VPS13B: variants seen among roughly 807,000 people sequenced by gnomAD.
VPS13B encodes the protein vacuolar protein sorting 13 homolog B.
A neutral mutation model predicts 426.4 loss-of-function variants in VPS13B; 285 were observed. That is an observed-to-expected ratio of 0.67 (90% CI 0.61 to 0.74). The LOEUF (loss-of-function observed/expected upper bound fraction) is 0.74, where lower values mean the gene tolerates loss of function less well. Among genes scored for constraint, VPS13B ranks in the 30% least tolerant of loss-of-function variants. The probability of loss-of-function intolerance (pLI) is 0.00; values close to 1 mark genes in which losing one functional copy is unlikely to be tolerated. For synonymous variants in VPS13B, 1,676 were observed against 1,676.4 expected (o/e 1.00, Z 0.01); for missense variants, 4,537 against 4,782.6 (o/e 0.95, Z 1.51).
intron 8 of VPS13B, among the ~76,000 whole-genome samples, chr8:99,127,656 TTGCATTCTTAAAAATTA>T (rs1157609388): frequency 1.3e-5 from 2 of 152,206 alleles, no homozygotes; most frequent in East Asian, 3.8e-4. Context: ...CAGGAAACCT[TTGCATTCTTAAAAATTA>T]TTGAGAACTC....
intron 22 of VPS13B, among the ~76,000 whole-genome samples, chr8:99,440,050 G>GGAAT (rs1444214835): frequency 1.3e-5 from 2 of 152,048 alleles, no homozygotes; most frequent in African/African-American, 4.8e-5. Flanking sequence ...TGACCTAGTA[G>GGAAT]GAATCAAAAT....
chr8:99,556,365 CTA>C (rs1563793939), intron 30 of VPS13B, 83 bp from the exon 31 acceptor site: 2 of 1,415,952 alleles, frequency 1.4e-6, no homozygotes, highest in African/African-American at 2.8e-5. Context: ...GGTATTGACA[CTA>C]TGTTAGTGAA....
At chr8:99,759,242 T>G (rs1049735009) in intron 39 of VPS13B, among the ~76,000 whole-genome samples, 3 of 152,172 alleles carry the variant, frequency 2.0e-5, no homozygotes, top group Non-Finnish European at 4.4e-5. Context: ...GATCTTGTCA[T>G]CATCCACAAC....
intron 3 of VPS13B, among the ~76,000 whole-genome samples, chr8:99,048,470 G>A (rs542694365): frequency 1.3e-5 from 2 of 152,106 alleles, no homozygotes; most frequent in Admixed American, 6.6e-5. Flanking sequence ...CACTGTTATT[G>A]TGTTGCTGTC....
chr8:99,741,031 A>G (rs983749115), intron 39 of VPS13B, among the ~76,000 whole-genome samples: 2 of 152,226 alleles, frequency 1.3e-5, no homozygotes, highest in Non-Finnish European at 2.9e-5. Flanking sequence ...AGACTGGCAA[A>G]TTGGATAAAG....
At chr8:99,159,249 T>C (rs1438984006) in intron 15 of VPS13B, among the ~76,000 whole-genome samples, 3 of 152,186 alleles carry the variant, frequency 2.0e-5, no homozygotes, top group Non-Finnish European at 2.9e-5. Context: ...TTGCTTCTTA[T>C]GGATGAGCAA....
intron 31 of VPS13B, among the ~76,000 whole-genome samples, chr8:99,563,851 CAG>C (rs957320762): frequency 6.6e-6 from 1 of 152,162 alleles, no homozygotes; most frequent in Non-Finnish European, 1.5e-5. Context: ...CAAATAAAAA[CAG>C]AAAATTTTAG....
At chr8:99,249,866 C>T (rs1378121645) in intron 17 of VPS13B, among the ~76,000 whole-genome samples, 5 of 152,078 alleles carry the variant, frequency 3.3e-5, no homozygotes, top group African/African-American at 1.2e-4. Context: ...CTATTACCTT[C>T]GCACTGCGTT....
chr8:99,381,933 A>G (rs1019771293), intron 19 of VPS13B, among the ~76,000 whole-genome samples: 3 of 151,906 alleles, frequency 2.0e-5, no homozygotes, highest in Admixed American at 6.6e-5. Flanking sequence ...GATTATCTAC[A>G]TTGTCTTCTA....
intron 25 of VPS13B, among the ~76,000 whole-genome samples, chr8:99,498,544 A>G (rs1441653271): frequency 6.6e-6 from 1 of 152,130 alleles, no homozygotes; most frequent in Non-Finnish European, 1.5e-5. Flanking sequence ...AAAAAAAACA[A>G]TAAAAAAGAA....
At chr8:99,078,052 T>C (rs1177765079) in intron 3 of VPS13B, among the ~76,000 whole-genome samples, 1 of 152,084 alleles carries the variant, frequency 6.6e-6, no homozygotes, top group Non-Finnish European at 1.5e-5. Context: ...ATGACATCTA[T>C]CTCTTTTGAA....
rs1177141700 is a variant in VPS13B, at chr8:99,052,682, G to A, written c.291+14116G>A. Among the ~76,000 whole-genome samples the A allele has an allele frequency of 5.3e-5, 8 of 151,646 alleles. No homozygotes were observed. The East Asian group carries it at 1.5e-3, about 29-fold the overall frequency. On this transcript the variant is annotated intron_variant, in intron 3 of 61. Transcript: ENST00000357162. ...GTCCTGGACTTTTTTTGGTTGGTAA[G>A]CTATTAATTATTGCCTCAATTTCAG...
At chr8:99,400,507 A>C (rs1333169041) in intron 21 of VPS13B, among the ~76,000 whole-genome samples, 3 of 152,224 alleles carry the variant, frequency 2.0e-5, no homozygotes, top group Admixed American at 6.5e-5. Flanking sequence ...AAGCATCCAT[A>C]GTAGTTATTG....
intron 17 of VPS13B, chr8:99,233,706 G>T: frequency 1.3e-6 from 1 of 786,968 alleles, no homozygotes; most frequent in Non-Finnish European, 2.3e-6. Context: ...CTCAAATCCT[G>T]CAAGGATGAG....
intron 17 of VPS13B, among the ~76,000 whole-genome samples, chr8:99,215,333 A>G (rs889649058): frequency 2.0e-5 from 3 of 152,200 alleles, no homozygotes; most frequent in Admixed American, 6.6e-5. Flanking sequence ...TATAGGAATT[A>G]ATTGTTAAGA....
intron 35 of VPS13B, among the ~76,000 whole-genome samples, chr8:99,688,561 G>C (rs1184274897): frequency 6.6e-6 from 1 of 152,052 alleles, no homozygotes; most frequent in Non-Finnish European, 1.5e-5. Flanking sequence ...AGGGAATACA[G>C]CATGTCTGAG....
chr8:99,846,716 A>G (rs1027402509), intron 54 of VPS13B, among the ~76,000 whole-genome samples: 1 of 152,216 alleles, frequency 6.6e-6, no homozygotes, highest in African/African-American at 2.4e-5. Context: ...GTTCAGATTA[A>G]TTTGCTTGCC....
intron 6 of VPS13B, among the ~76,000 whole-genome samples, chr8:99,112,083 A>G (rs1256398781): frequency 6.6e-6 from 1 of 152,164 alleles, no homozygotes; most frequent in Non-Finnish European, 1.5e-5. Flanking sequence ...TTTCTGTCCA[A>G]TGTAGTGTAT....
At chr8:99,793,118 T>TGCTTGACCCTTTGAGGCAGAGTTTGCA (rs1812637617) in intron 43 of VPS13B, among the ~76,000 whole-genome samples, 1 of 150,622 alleles carries the variant, frequency 6.6e-6, no homozygotes, top group Non-Finnish European at 1.5e-5. Flanking sequence ...GTGGGAGGAT[T>TGCTTGACCCTTTGAGGCAGAGTTTGCA]GCTTGACCCT....
Sources: gnomAD v4.1 joint callset for allele counts (sites outside exome capture counted in the v4.1 genomes callset) on GRCh38, gnomAD v4.1.1 for gene constraint, MANE v1.5 for transcripts, NCBI Gene and HGNC (gene_info 2026-07-23, HGNC 2026-07-21) for gene names.